Variants in COL26A1 observed in about 807,000 individuals in gnomAD.
COL26A1 encodes the protein collagen alpha-1(XXVI) chain.
In COL26A1, 41 loss-of-function variants were observed where a neutral mutation model predicts 59.3. The ratio of observed to expected loss-of-function variants is 0.69; its 90% CI spans 0.54 to 0.90. The LOEUF is 0.90. Among genes scored for constraint, COL26A1 ranks in the 40% least tolerant of loss-of-function variants. COL26A1 has a pLI of 0.00. For synonymous variants in COL26A1, 266 were observed against 256.0 expected (o/e 1.04, Z -0.37); for missense variants, 612 against 602.3 (o/e 1.02, Z -0.17).
chr7:101,416,170 G>A lies in COL26A1; in HGVS notation c.159-3807G>A, dbSNP rs758108768. Among the ~76,000 whole-genome samples, 10 of 142,814 alleles carry A rather than the reference G, an allele frequency of 7.0e-5. 4 individuals are homozygous for A. Among genetic ancestry groups the A allele is most frequent in the Non-Finnish European group, 1.6e-4 (10 of 62,976 alleles). The allele number at this position is 142,814 out of a possible 152,430, so 93.7% of individuals were successfully genotyped here. A position where few individuals can be genotyped will look rare whatever the true frequency, so the allele number is the denominator to read the frequency against. The stretch of plus-strand genomic sequence containing the variant: ...GCCCTTTGGGAAGCCGAGGTGGGAC[G>A]ATCACCTGAGCCCAGGAGTTTGAGA... On this transcript the variant is annotated intron_variant, in intron 1 of 12. Coordinates refer to ENST00000313669, the MANE Select transcript of COL26A1 (RefSeq NM_001278563.3).
At chr7:101,536,667 C>A (rs981488224) in intron 4 of COL26A1, among the ~76,000 whole-genome samples, 1 of 152,200 alleles carries the variant, frequency 6.6e-6, no homozygotes, top group East Asian at 1.9e-4. Context: ...AAGAAGTCTG[C>A]TTTGGTATGT....
At chr7:101,552,417 C>T (rs1795879942) in intron 10 of COL26A1, among the ~76,000 whole-genome samples, 1 of 151,828 alleles carries the variant, frequency 6.6e-6, no homozygotes, top group African/African-American at 2.4e-5. Flanking sequence ...CAAGGCCACC[C>T]TGGACAACAT....
At chr7:101,543,362 G>A (rs555122860) in intron 5 of COL26A1, among the ~76,000 whole-genome samples, 4 of 152,062 alleles carry the variant, frequency 2.6e-5, no homozygotes, top group African/African-American at 7.2e-5. Flanking sequence ...TAGAGATGGG[G>A]TCTCACTATG....
At chr7:101,513,008 A>ATTC (rs1201025407) in intron 3 of COL26A1, among the ~76,000 whole-genome samples, 1 of 151,314 alleles carries the variant, frequency 6.6e-6, no homozygotes. Flanking sequence ...TATTATTATT[A>ATTC]TTATTATTAT....
At chr7:101,506,088 C>T (rs1019838212) in intron 3 of COL26A1, among the ~76,000 whole-genome samples, 3 of 152,198 alleles carry the variant, frequency 2.0e-5, no homozygotes, top group South Asian at 2.1e-4. Flanking sequence ...TCCCTCTGCC[C>T]GAATGGGGTC....
At chr7:101,480,331 A>G (rs942550632) in intron 3 of COL26A1, among the ~76,000 whole-genome samples, 4 of 152,014 alleles carry the variant, frequency 2.6e-5, no homozygotes, top group African/African-American at 9.7e-5. Context: ...AATTTTTCCA[A>G]GTTATACTTA....
At chr7:101,372,243 G>A (rs561492453) in intron 1 of COL26A1, among the ~76,000 whole-genome samples, 75 of 152,144 alleles carry the variant, frequency 4.9e-4, no homozygotes, top group Middle Eastern at 3.4e-3. Context: ...TTGGCTCACT[G>A]CAACCTCCGC....
chr7:101,544,528 C>CTT (rs58206894), intron 6 of COL26A1, among the ~76,000 whole-genome samples: 7 of 98,602 alleles, frequency 7.1e-5, no homozygotes, highest in Non-Finnish European at 9.4e-5. Context: ...CCTCACCTGG[C>CTT]TTTTTTTTTT....
chr7:101,487,377 C>T lies in COL26A1; in HGVS notation c.385+39590C>T, dbSNP rs116523150. Among the ~76,000 whole-genome samples, 529 of 152,262 alleles carry T rather than the reference C, an allele frequency of 3.5e-3. 3 individuals are homozygous for T. The highest frequency in any genetic ancestry group is 0.012 in the African/African-American group (494 of 41,546). On this transcript the variant is annotated intron_variant, in intron 3 of 12. Transcript: ENST00000313669. ...GCTGAGGCTTGGATTCCATAGCCTG[C>T]ACCCCATCACCCCGTGTCAGCACCA...
intron 4 of COL26A1, 104 bp downstream of exon 4, chr7:101,533,247 C>T: frequency 1.2e-6 from 1 of 868,242 alleles, no homozygotes; most frequent in South Asian, 1.5e-5. Context: ...AATTCCCAGC[C>T]CCGGGTTTCC....
chr7:101,544,894 A>G (rs59639267), intron 6 of COL26A1, among the ~76,000 whole-genome samples: 3,287 of 152,148 alleles, frequency 0.022, 114 homozygotes, highest in African/African-American at 0.075. Context: ...AGGGGCCAGG[A>G]GCAGTTCTCA....
At chr7:101,395,071 C>G (rs1419194725) in intron 1 of COL26A1, among the ~76,000 whole-genome samples, 1 of 151,630 alleles carries the variant, frequency 6.6e-6, no homozygotes, top group African/African-American at 2.4e-5. Flanking sequence ...CGGGGTTTCT[C>G]CATGTTGGCC....
intron 1 of COL26A1, among the ~76,000 whole-genome samples, chr7:101,407,870 AG>A (rs1419116571): frequency 6.6e-6 from 1 of 152,134 alleles, no homozygotes; most frequent in Non-Finnish European, 1.5e-5. Flanking sequence ...ATGCAAATTA[AG>A]GGGCGGGTTA....
intron 3 of COL26A1, among the ~76,000 whole-genome samples, chr7:101,484,525 C>T (rs112025053): frequency 0.02 from 3,076 of 151,988 alleles, 105 homozygotes; most frequent in African/African-American, 0.071. Flanking sequence ...TGCCCACCAC[C>T]ACACCCGGCT....
At chr7:101,433,969 G>T (rs932626183) in intron 2 of COL26A1, among the ~76,000 whole-genome samples, 1 of 151,392 alleles carries the variant, frequency 6.6e-6, no homozygotes, top group Non-Finnish European at 1.5e-5. Context: ...CTTGTGAGAT[G>T]AAAGGAAAAT....
chr7:101,478,179 T>A (rs1025038398), intron 3 of COL26A1, among the ~76,000 whole-genome samples: 1 of 152,066 alleles, frequency 6.6e-6, no homozygotes, highest in Non-Finnish European at 1.5e-5. Flanking sequence ...ATGGGTTTCA[T>A]CATGTTAGCT....
intron 3 of COL26A1, among the ~76,000 whole-genome samples, chr7:101,500,965 C>T (rs191197551): frequency 0.012 from 1,869 of 151,312 alleles, 46 homozygotes; most frequent in African/African-American, 0.043. Flanking sequence ...GGGCGGATCA[C>T]GAGGTCAGGA....
At chr7:101,387,770 ATATATATATTTTT>A (rs1791624424) in intron 1 of COL26A1, among the ~76,000 whole-genome samples, 1 of 36,530 alleles carries the variant, frequency 2.7e-5, no homozygotes, top group Non-Finnish European at 6.1e-5. Context: ...ATATATATAT[ATATATATATTTTT>A]TTTTAAGACA....
At chr7:101,489,835 TTTC>T (rs1563008202) in intron 3 of COL26A1, among the ~76,000 whole-genome samples, 7 of 18,288 alleles carry the variant, frequency 3.8e-4, no homozygotes, top group Admixed American at 6.4e-4. Flanking sequence ...TCTTTCTTTC[TTTC>T]TTTCTTTCTT....
Sources: allele counts gnomAD v4.1 joint callset (sites outside exome capture counted in the v4.1 genomes callset), GRCh38; gene constraint gnomAD v4.1.1; transcripts MANE v1.5; gene names NCBI Gene and HGNC (gene_info 2026-07-23, HGNC 2026-07-21).